Variants in LPIN2 observed in about 807,000 individuals in gnomAD.
The protein encoded by LPIN2 is phosphatidate phosphatase LPIN2.
A neutral mutation model predicts 111.4 loss-of-function variants in LPIN2; 55 were observed. The ratio of observed to expected loss-of-function variants is 0.49; its 90% CI spans 0.40 to 0.62. LPIN2 has a LOEUF of 0.62. Ranked by LOEUF, LPIN2 falls within the 20% of genes least tolerant of loss-of-function variation. The pLI, the probability that LPIN2 is intolerant of heterozygous loss-of-function variation, is 0.00. For synonymous variants in LPIN2, 425 were observed against 414.0 expected, an observed-to-expected ratio of 1.03 and a Z score of -0.32; for missense variants, 992 against 1,112.1, an observed-to-expected ratio of 0.89 and a Z score of 1.54.
intron 6 of LPIN2, 85 bp from the exon 7 acceptor site, chr18:2,938,122 CTATTTT>C: frequency 1.0e-6 from 1 of 1,003,720 alleles, no homozygotes; most frequent in Non-Finnish European, 1.5e-6. Flanking sequence ...TGTGTTCATT[CTATTTT>C]TAACTTAACA....
At chr18:2,955,185 T>C (rs2077590844) in intron 2 of LPIN2, among the ~76,000 whole-genome samples, 1 of 152,240 alleles carries the variant, frequency 6.6e-6, no homozygotes, top group African/African-American at 2.4e-5. Context: ...TTGGGCCATT[T>C]TTGTGTTTGC....
intron 1 of LPIN2, among the ~76,000 whole-genome samples, chr18:2,981,002 G>A (rs902848091): frequency 3.9e-5 from 6 of 152,126 alleles, no homozygotes; most frequent in Admixed American, 3.9e-4. Flanking sequence ...GTCTTCACTT[G>A]TTTCAAAAAA....
chr18:2,966,876 G>GCA (rs2143257563), intron 1 of LPIN2: 1 of 152,278 alleles, frequency 6.6e-6, no homozygotes, highest in South Asian at 2.1e-4. Context: ...ACATGCCATT[G>GCA]CAGCTAACTT....
intron 7 of LPIN2, among the ~76,000 whole-genome samples, chr18:2,935,418 C>T (rs576980775): frequency 1.3e-5 from 2 of 152,086 alleles, no homozygotes. Flanking sequence ...AAATCCAGAA[C>T]GTGAGAGAGC....
Position 2,940,635 on chromosome 18 carries a change from A to G in LPIN2, c.668T>C (p.Leu223Ser), listed in dbSNP as rs748940637. The G allele has an allele frequency of 3.1e-6, 5 of 1,612,862 alleles. No individual in the cohort carries two copies. The highest frequency in any genetic ancestry group is 4.2e-6 in the Non-Finnish European group (5 of 1,179,038). The change falls in exon 5 of 20, where the codon TTA (leucine) becomes TCA (serine). Residue 223 changes from leucine to serine, a missense_variant. By Grantham distance (145) the Leu-to-Ser change is moderately radical. Around this residue, in one of 4 missense-constraint regions of LPIN2, gnomAD observed 709 missense variants for 753.2 expected, o/e 0.94. Transcript: ENST00000677752. ...LLFHSGDHYP[L>S]SDGDWSPLET... Reference sequence around the variant, plus strand: ...TAAAGGGGACCAATCTCCATCAGATAAGGGGTAATGATCCCCAGAATGGAA... The same window carrying G: ...TAAAGGGGACCAATCTCCATCAGATGAGGGGTAATGATCCCCAGAATGGAA...
chr18:2,920,541 A>G, intron 19 of LPIN2, 104 bp from the exon 20 acceptor site: 1 of 1,278,290 alleles, frequency 7.8e-7, no homozygotes, highest in Non-Finnish European at 1.1e-6. Flanking sequence ...TCAGGTGGGC[A>G]GGTTCAGAGG....
chr18:2,965,632 A>T (rs2077787417), intron 1 of LPIN2, among the ~76,000 whole-genome samples: 1 of 148,954 alleles, frequency 6.7e-6, no homozygotes. Context: ...CGGGAGGCTG[A>T]GGCAGGAGAA....
intron 1 of LPIN2, among the ~76,000 whole-genome samples, chr18:2,972,813 C>T (rs904146170): frequency 2.6e-5 from 4 of 152,176 alleles, no homozygotes; most frequent in Non-Finnish European, 4.4e-5. Flanking sequence ...ATGCTTCTCC[C>T]TTCATTTCCC....
Position 2,937,761 on chromosome 18 carries a change from C to A in LPIN2, c.1099G>T (p.Ala367Ser), listed in dbSNP as rs540544894. Residue 367 changes from alanine to serine, a missense_variant, in exon 7 of 20, where the codon GCA becomes TCA. Ala to Ser is a moderately conservative substitution (Grantham distance 99, BLOSUM62 1). Coordinates refer to ENST00000677752, the MANE Select transcript of LPIN2 (RefSeq NM_001375808.2). ...TCTGAGGGCGCCTCCGCTAAGGCTG[C>A]GTTGGGAAGGTGGTCAGCATCTAAC... ...SMLDADHLPN[A>S]ALAEAPSESK... is the part of the protein sequence containing the mutation. The A allele has an allele frequency of 6.2e-7, 1 of 1,614,068 alleles. No homozygotes were observed. Among genetic ancestry groups the A allele is most frequent in the Non-Finnish European group, 8.5e-7 (1 of 1,180,006 alleles).
chr18:2,982,065 A>G (rs1398995353), intron 1 of LPIN2, among the ~76,000 whole-genome samples: 1 of 152,218 alleles, frequency 6.6e-6, no homozygotes, highest in East Asian at 1.9e-4. Flanking sequence ...CTAAGCTTAC[A>G]TAACTTGTTC....
At chr18:2,938,206 C>T (rs1479323729) in intron 6 of LPIN2, among the ~76,000 whole-genome samples, 169 bp from the exon 7 acceptor site, 1 of 152,066 alleles carries the variant, frequency 6.6e-6, no homozygotes, top group East Asian at 1.9e-4. Context: ...CTAATAATTG[C>T]CTTTTGTTCA....
chr18:2,946,439 A>G, intron 4 of LPIN2: 1 of 1,445,138 alleles, frequency 6.9e-7, no homozygotes, highest in Non-Finnish European at 9.7e-7. Flanking sequence ...TGCATCGTGA[A>G]AGACTGGAAC....
intron 4 of LPIN2, among the ~76,000 whole-genome samples, chr18:2,949,340 A>G (rs1317547364): frequency 2.0e-5 from 3 of 152,242 alleles, no homozygotes; most frequent in Non-Finnish European, 4.4e-5. Flanking sequence ...AACTCTTCTC[A>G]GCTAGTATTT....
At chr18:2,945,761 G>T in intron 4 of LPIN2, 1 of 1,205,432 alleles carries the variant, frequency 8.3e-7, no homozygotes, top group Non-Finnish European at 1.2e-6. Flanking sequence ...CTAACAATGT[G>T]CTATTTGCTT....
chr18:3,008,393 G>A (rs996245416), intron 1 of LPIN2, among the ~76,000 whole-genome samples: 1 of 152,232 alleles, frequency 6.6e-6, no homozygotes. Context: ...AGTGAGCCGA[G>A]ATTGCACCAC....
intron 1 of LPIN2, among the ~76,000 whole-genome samples, chr18:3,008,269 T>G (rs1046204085): frequency 4.6e-5 from 7 of 152,120 alleles, no homozygotes; most frequent in Admixed American, 4.6e-4. Context: ...TGATGATACC[T>G]TGTCCTACAG....
At chr18:3,000,654 C>T (rs1302483734) in intron 1 of LPIN2, among the ~76,000 whole-genome samples, 1 of 152,166 alleles carries the variant, frequency 6.6e-6, no homozygotes, top group Non-Finnish European at 1.5e-5. Context: ...GAGGCCTCAC[C>T]AGGATTGATA....
chr18:2,932,875 A>G (rs1362439195), intron 8 of LPIN2, among the ~76,000 whole-genome samples: 2 of 152,194 alleles, frequency 1.3e-5, no homozygotes, highest in Non-Finnish European at 2.9e-5. Flanking sequence ...GCCTCCCCCT[A>G]AACACCAACA....
intron 1 of LPIN2, among the ~76,000 whole-genome samples, chr18:2,985,661 G>C (rs1028040869): frequency 3.3e-5 from 5 of 152,030 alleles, no homozygotes; most frequent in African/African-American, 1.2e-4. Flanking sequence ...TGTAAGACTA[G>C]GTATACAGGG....
Sources: gnomAD v4.1 joint callset for allele counts (sites outside exome capture counted in the v4.1 genomes callset) on GRCh38, gnomAD v4.1.1 for gene constraint, gnomAD v4.1.1 regional missense constraint, MANE v1.5 for transcripts, NCBI Gene and HGNC (gene_info 2026-07-23, HGNC 2026-07-21) for gene names.